UGT8: variants seen among roughly 807,000 people sequenced by gnomAD.
The protein encoded by UGT8 is 2-hydroxyacylsphingosine 1-beta-galactosyltransferase.
UGT8 carries 12 observed loss-of-function variants against 40.5 expected under a neutral mutation model. The ratio of observed to expected loss-of-function variants is 0.30; its 90% CI spans 0.19 to 0.48. UGT8 has a LOEUF of 0.48. Among genes scored for constraint, UGT8 ranks in the 20% least tolerant of loss-of-function variants. UGT8 has a pLI of 0.99. For synonymous variants in UGT8, 224 were observed against 240.4 expected, an observed-to-expected ratio of 0.93 and a Z score of 0.63; for missense variants, 513 against 648.7, an observed-to-expected ratio of 0.79 and a Z score of 2.27.
chr4:114,645,394 A>G (rs1733507999), intron 2 of UGT8, among the ~76,000 whole-genome samples: 1 of 152,202 alleles, frequency 6.6e-6, no homozygotes, highest in Non-Finnish European at 1.5e-5. Context: ...AGAGAAGATG[A>G]GTAATATCAT....
intron 3 of UGT8, 99 bp downstream of exon 3, chr4:114,664,236 C>A: frequency 2.4e-6 from 3 of 1,249,104 alleles, no homozygotes; most frequent in South Asian, 1.5e-5. Flanking sequence ...GTTTCCCTGA[C>A]AAGATTAGCA....
chr4:114,606,420 T>G (rs1424325289), intron 1 of UGT8, among the ~76,000 whole-genome samples: 1 of 152,144 alleles, frequency 6.6e-6, no homozygotes, highest in Non-Finnish European at 1.5e-5. Context: ...GGGTTCTCTT[T>G]ATGAAGAAGG....
intron 5 of UGT8, among the ~76,000 whole-genome samples, chr4:114,674,734 A>G (rs1384140100): frequency 6.6e-6 from 1 of 152,222 alleles, no homozygotes; most frequent in Non-Finnish European, 1.5e-5. Context: ...TGATTTATCA[A>G]GTCTTCACAC....
chr4:114,671,839 A>G (rs941220237), intron 5 of UGT8, among the ~76,000 whole-genome samples: 2 of 152,200 alleles, frequency 1.3e-5, no homozygotes, highest in Non-Finnish European at 2.9e-5. Flanking sequence ...ATTTCATTAA[A>G]CTAAAGTTTC....
Position 114,668,188 on chromosome 4 carries a change from C to T in UGT8, c.1146C>T (p.Asp382=), listed in dbSNP as rs1469684292. The T allele has an allele frequency of 1.9e-6, 3 of 1,613,754 alleles. No individual in the cohort carries two copies. The highest frequency in any genetic ancestry group is 1.3e-5 in the African/African-American group (1 of 74,942). ...VPVVGIPLFG[D]HYDTMTRVQA... The stretch of plus-strand genomic sequence containing the variant: ...TAGTGGGAATTCCACTCTTTGGAGA[C>T]CATTATGATACTATGACCAGAGTAC... The change falls in exon 5 of 6, where the codon GAC becomes GAT. Residue 382 remains aspartate, a synonymous_variant. Transcript: ENST00000310836.
intron 2 of UGT8, among the ~76,000 whole-genome samples, chr4:114,651,637 A>G (rs1223573962): frequency 6.6e-6 from 1 of 152,120 alleles, no homozygotes; most frequent in Non-Finnish European, 1.5e-5. Flanking sequence ...AGAATCTGTC[A>G]TTCTCTGACA....
intron 1 of UGT8, among the ~76,000 whole-genome samples, chr4:114,616,911 A>C (rs1731477173): frequency 6.6e-6 from 1 of 152,146 alleles, no homozygotes; most frequent in Admixed American, 6.5e-5. Context: ...TAGGCACAGA[A>C]GCATTGTAGC....
intron 1 of UGT8, among the ~76,000 whole-genome samples, chr4:114,611,218 T>G (rs1731016481): frequency 6.6e-6 from 1 of 151,908 alleles, no homozygotes; most frequent in South Asian, 2.1e-4. Context: ...GTTGTATGAT[T>G]TGTGAAACTT....
intron 2 of UGT8, among the ~76,000 whole-genome samples, chr4:114,643,857 CT>C (rs1733381503): frequency 1.3e-5 from 2 of 152,056 alleles, no homozygotes; most frequent in Non-Finnish European, 2.9e-5. Flanking sequence ...CTCAATGCTT[CT>C]TTCTTTCTGG....
At chr4:114,671,433 A>T (rs1395958872) in intron 5 of UGT8, among the ~76,000 whole-genome samples, 1 of 152,212 alleles carries the variant, frequency 6.6e-6, no homozygotes, top group Non-Finnish European at 1.5e-5. Context: ...CTATACTACA[A>T]GATTGCAGTA....
intron 1 of UGT8, among the ~76,000 whole-genome samples, chr4:114,599,528 G>A (rs1264808701): frequency 2.0e-5 from 3 of 152,220 alleles, no homozygotes; most frequent in East Asian, 1.9e-4. Flanking sequence ...GGCTGTACAA[G>A]CTCGCTGAGA....
intron 2 of UGT8, among the ~76,000 whole-genome samples, chr4:114,662,758 G>A (rs1734620725): frequency 6.7e-6 from 1 of 149,992 alleles, no homozygotes; most frequent in Admixed American, 6.6e-5. Context: ...GGAAAACTTA[G>A]GCTTAATGTT....
chr4:114,658,510 C>T (rs1440994303), intron 2 of UGT8, among the ~76,000 whole-genome samples: 1 of 152,084 alleles, frequency 6.6e-6, no homozygotes, highest in Non-Finnish European at 1.5e-5. Flanking sequence ...CTAGTGTGTC[C>T]CCACACCTCA....
At chr4:114,672,312 G>C (rs1455628657) in intron 5 of UGT8, among the ~76,000 whole-genome samples, 2 of 152,090 alleles carry the variant, frequency 1.3e-5, no homozygotes, top group African/African-American at 4.8e-5. Flanking sequence ...AGCAATCCCA[G>C]TACTGGGTAT....
chr4:114,670,958 A>G (rs1237786121), intron 5 of UGT8, among the ~76,000 whole-genome samples: 1 of 152,226 alleles, frequency 6.6e-6, no homozygotes, highest in Non-Finnish European at 1.5e-5. Flanking sequence ...GAACTTCAGC[A>G]AAGTCTCAGG....
intron 2 of UGT8, among the ~76,000 whole-genome samples, chr4:114,637,592 G>A (rs975427686): frequency 6.6e-6 from 1 of 151,910 alleles, no homozygotes; most frequent in Non-Finnish European, 1.5e-5. Flanking sequence ...TTACCTGAAC[G>A]ACACCAAGAG....
intron 4 of UGT8, among the ~76,000 whole-genome samples, chr4:114,667,201 G>A (rs1023690856): frequency 2.0e-5 from 3 of 152,166 alleles, no homozygotes; most frequent in Admixed American, 2.0e-4. Flanking sequence ...GAGCACCATT[G>A]AGACCATGGT....
In UGT8 at chr4:114,612,494, G is replaced by A. The variant is rs957271240; in HGVS notation, c.-2-10385G>A. 3.2e-4 allele frequency among the ~76,000 whole-genome samples: 49 copies of A among 151,940 alleles called. 1 individual carries two copies. Among genetic ancestry groups the A allele is most frequent in the Admixed American group, 3.9e-4 (6 of 15,248 alleles). On this transcript the variant is annotated intron_variant, in intron 1 of 5. Coordinates refer to ENST00000310836, the MANE Select transcript of UGT8 (RefSeq NM_001128174.3). Reference sequence around the variant, plus strand: ...GACTATAGCCATACGTTCAAAGATTGGCCCATCTACCACGTATAGGTCCAT... The same window carrying A: ...GACTATAGCCATACGTTCAAAGATTAGCCCATCTACCACGTATAGGTCCAT...
At chr4:114,630,954 G>A (rs771864721) in intron 2 of UGT8, among the ~76,000 whole-genome samples, 1 of 151,984 alleles carries the variant, frequency 6.6e-6, no homozygotes, top group Non-Finnish European at 1.5e-5. Flanking sequence ...GTTTAAGGGA[G>A]AACTCTAGGC....
Sources: allele counts gnomAD v4.1 joint callset (sites outside exome capture counted in the v4.1 genomes callset), GRCh38; gene constraint gnomAD v4.1.1; transcripts MANE v1.5; gene names NCBI Gene and HGNC (gene_info 2026-07-23, HGNC 2026-07-21).